Variants in NXPH1 observed in about 807,000 individuals in gnomAD.
NXPH1 encodes the protein neurexophilin 1, also known as neurexophilin-1.
Under a neutral mutation model 23.7 loss-of-function variants are expected in NXPH1, and 5 were observed. That is an observed-to-expected ratio of 0.21 (90% confidence interval 0.11 to 0.44). The LOEUF (loss-of-function observed/expected upper bound fraction) is 0.44, where lower values mean the gene tolerates loss of function less well. Ranked by LOEUF, NXPH1 falls within the 20% of genes least tolerant of loss-of-function variation. The probability of loss-of-function intolerance (pLI) is 0.99; values close to 1 mark genes in which losing one functional copy is unlikely to be tolerated. For synonymous variants in NXPH1, 144 were observed against 122.2 expected, an observed-to-expected ratio of 1.18 and a Z score of -1.18; for missense variants, 324 against 321.6, an observed-to-expected ratio of 1.01 and a Z score of -0.06.
chr7:8,711,802 C>T (rs1017002), intron 2 of NXPH1, among the ~76,000 whole-genome samples: 104,981 of 152,076 alleles, frequency 0.69, 37,018 homozygotes, highest in African/African-American at 0.83. Flanking sequence ...CTCTGAGGAA[C>T]TGAATGCCAG....
intron 2 of NXPH1, among the ~76,000 whole-genome samples, chr7:8,512,634 A>G (rs901499436): frequency 2.0e-5 from 3 of 152,140 alleles, no homozygotes; most frequent in African/African-American, 4.8e-5. Flanking sequence ...ACATTTCTTC[A>G]TACTATAAAG....
intron 2 of NXPH1, among the ~76,000 whole-genome samples, chr7:8,689,924 C>A (rs994528449): frequency 6.6e-6 from 1 of 152,152 alleles, no homozygotes; most frequent in Non-Finnish European, 1.5e-5. Context: ...TGCACTAGGA[C>A]AACAGGCATA....
chr7:8,470,385 C>A (rs1221932937), intron 2 of NXPH1, among the ~76,000 whole-genome samples: 1 of 152,078 alleles, frequency 6.6e-6, no homozygotes, highest in Non-Finnish European at 1.5e-5. Context: ...CTTGAAGACG[C>A]CTGAATTTTT....
intron 2 of NXPH1, among the ~76,000 whole-genome samples, chr7:8,443,283 C>A (rs1375800757): frequency 6.6e-6 from 1 of 152,248 alleles, no homozygotes; most frequent in African/African-American, 2.4e-5. Context: ...TTTGCGAATC[C>A]TTCTTTTCCC....
rs527812587 is a variant in NXPH1, at chr7:8,530,917, G to A, written c.54+95150G>A. On this transcript the variant is annotated intron_variant, in intron 2 of 2. Transcript: ENST00000405863. ...AAATTATACATGTTTTTGAGGTTCA[G>A]TTAGCAATGAGGTATATTTATTCTG... is the stretch of plus-strand genomic sequence containing the variant. 3.9e-5 allele frequency among the ~76,000 whole-genome samples: 6 copies of A among 152,284 alleles called. No homozygotes were observed. The East Asian group carries it at 9.7e-4, about 25-fold the overall frequency.
intron 2 of NXPH1, among the ~76,000 whole-genome samples, chr7:8,631,900 C>G (rs1380037065): frequency 6.6e-6 from 1 of 152,086 alleles, no homozygotes; most frequent in African/African-American, 2.4e-5. Flanking sequence ...TATTTTATTT[C>G]AAATGTATTT....
chr7:8,614,482 C>T (rs2128630165), intron 2 of NXPH1, among the ~76,000 whole-genome samples: 1 of 151,710 alleles, frequency 6.6e-6, no homozygotes, highest in African/African-American at 2.4e-5. Context: ...AGATTTTATG[C>T]ATATGTCTAT....
intron 2 of NXPH1, among the ~76,000 whole-genome samples, chr7:8,482,720 GTCAA>G (rs1817095421): frequency 2.0e-5 from 3 of 152,188 alleles, no homozygotes; most frequent in South Asian, 4.1e-4. Context: ...TAATACTATG[GTCAA>G]TCAATCAGTT....
At chr7:8,639,203 T>C (rs1820268039) in intron 2 of NXPH1, among the ~76,000 whole-genome samples, 1 of 152,152 alleles carries the variant, frequency 6.6e-6, no homozygotes, top group African/African-American at 2.4e-5. Context: ...TTTTGAGACT[T>C]CTGACCTTCC....
intron 2 of NXPH1, among the ~76,000 whole-genome samples, chr7:8,501,319 T>C (rs890973794): frequency 2.0e-5 from 3 of 152,048 alleles, no homozygotes. Context: ...AATCAGTTCC[T>C]GGAAGCTTTT....
At chr7:8,705,008 G>C (rs1023711800) in intron 2 of NXPH1, among the ~76,000 whole-genome samples, 7 of 152,116 alleles carry the variant, frequency 4.6e-5, no homozygotes, top group Non-Finnish European at 1.0e-4. Context: ...AAAATATATA[G>C]GGATTAGTAA....
chr7:8,722,215 T>C (rs1398575104), intron 2 of NXPH1, among the ~76,000 whole-genome samples: 1 of 152,256 alleles, frequency 6.6e-6, no homozygotes, highest in Non-Finnish European at 1.5e-5. Flanking sequence ...AAAAGCTTGC[T>C]GATGGATTTA....
At chr7:8,605,154 C>G (rs1279513283) in intron 2 of NXPH1, among the ~76,000 whole-genome samples, 1 of 151,976 alleles carries the variant, frequency 6.6e-6, no homozygotes, top group Non-Finnish European at 1.5e-5. Flanking sequence ...TTAAGGAATG[C>G]CTTATATTTG....
chr7:8,593,409 T>A (rs1275042032), intron 2 of NXPH1, among the ~76,000 whole-genome samples: 1 of 152,004 alleles, frequency 6.6e-6, no homozygotes, highest in East Asian at 1.9e-4. Flanking sequence ...CATTTTCACA[T>A]CATATTTGTA....
intron 2 of NXPH1, among the ~76,000 whole-genome samples, chr7:8,599,504 G>A (rs1206761473): frequency 6.6e-6 from 1 of 152,128 alleles, no homozygotes; most frequent in East Asian, 1.9e-4. Flanking sequence ...GGTCTGCCAT[G>A]ATCTGGTAGG....
chr7:8,503,233 A>T (rs988255856), intron 2 of NXPH1, among the ~76,000 whole-genome samples: 6 of 152,026 alleles, frequency 3.9e-5, no homozygotes, highest in Non-Finnish European at 8.8e-5. Context: ...TATTATCCTT[A>T]TTTTATAGAT....
chr7:8,480,678 T>C (rs1817058064), intron 2 of NXPH1, among the ~76,000 whole-genome samples: 1 of 152,204 alleles, frequency 6.6e-6, no homozygotes, highest in African/African-American at 2.4e-5. Flanking sequence ...AGCTGTACTT[T>C]CCAGAACCTA....
intron 2 of NXPH1, among the ~76,000 whole-genome samples, chr7:8,459,384 T>C (rs1816653787): frequency 6.6e-6 from 1 of 152,110 alleles, no homozygotes; most frequent in African/African-American, 2.4e-5. Flanking sequence ...TTAACTCTAT[T>C]TAGGCAGAAT....
chr7:8,509,079 A>C (rs1364094541), intron 2 of NXPH1, among the ~76,000 whole-genome samples: 3 of 152,122 alleles, frequency 2.0e-5, no homozygotes, highest in African/African-American at 7.2e-5. Context: ...TGAAGTAAAA[A>C]TTCTAACACT....
Sources: allele counts gnomAD v4.1 joint callset (sites outside exome capture counted in the v4.1 genomes callset), GRCh38; gene constraint gnomAD v4.1.1; transcripts MANE v1.5; gene names NCBI Gene and HGNC (gene_info 2026-07-23, HGNC 2026-07-21).